ZMIZ1: variants seen among roughly 807,000 people sequenced by gnomAD.
ZMIZ1 encodes zinc finger MIZ domain-containing protein 1.
In ZMIZ1, 17 loss-of-function variants were observed where a neutral mutation model predicts 113.9. The observed-to-expected ratio is 0.15, with a 90% CI of 0.10 to 0.22. The LOEUF (loss-of-function observed/expected upper bound fraction) is 0.22. Ranked by LOEUF, ZMIZ1 falls within the 10% of genes least tolerant of loss-of-function variation. The pLI, the probability that ZMIZ1 is intolerant of heterozygous loss-of-function variation, is 1.00. For synonymous variants in ZMIZ1, 607 were observed against 603.1 expected, an observed-to-expected ratio of 1.01 and a Z score of -0.09; for missense variants, 1,059 against 1,477.8, an observed-to-expected ratio of 0.72 and a Z score of 4.65.
chr10:79,125,050 T>G (rs1844455009), intron 2 of ZMIZ1, among the ~76,000 whole-genome samples: 1 of 152,188 alleles, frequency 6.6e-6, no homozygotes, highest in Non-Finnish European at 1.5e-5. Flanking sequence ...AGAGCAAGGT[T>G]GGAGGCTTGT....
At chr10:79,195,940 C>A (rs115217167) in intron 4 of ZMIZ1, among the ~76,000 whole-genome samples, 1 of 152,306 alleles carries the variant, frequency 6.6e-6, no homozygotes, top group African/African-American at 2.4e-5. Context: ...TAGGGCCTGG[C>A]CTGGTGCCTG....
At chr10:79,190,869 A>G (rs1847571535) in intron 4 of ZMIZ1, among the ~76,000 whole-genome samples, 1 of 152,216 alleles carries the variant, frequency 6.6e-6, no homozygotes, top group South Asian at 2.1e-4. Flanking sequence ...GCACAAAGTC[A>G]GGAAACGGGA....
rs1431701890 is a variant in ZMIZ1, at chr10:79,069,223, T to G, written c.-384T>G. The G allele has an allele frequency of 6.7e-6, 1 of 149,124 alleles. No homozygotes were observed. Among genetic ancestry groups the G allele is most frequent in the Non-Finnish European group, 1.5e-5 (1 of 67,102 alleles). The allele number at this position is 149,124 out of a possible 1,614,324, so 9.2% of individuals were successfully genotyped here. A position where few individuals can be genotyped will look rare whatever the true frequency, so the allele number is the denominator to read the frequency against. ...GGCCCGAGCCTGCCCTACCCGGCGG[T>G]GGCGGCGGCGCGTCCTCCAGCGGCG... On this transcript the variant is annotated 5_prime_UTR_variant, in exon 1 of 25. Transcript: ENST00000334512. The surrounding 1 kb of genome is among the most constrained non-coding windows in gnomAD (Gnocchi z 4.6).
Position 79,296,727 on chromosome 10 carries a change from A to G in ZMIZ1, c.1413+74A>G. The G allele has an allele frequency of 7.0e-7, 1 of 1,425,372 alleles. No individual in the cohort carries two copies. The highest frequency in any genetic ancestry group is 9.4e-7 in the Non-Finnish European group (1 of 1,059,368). 88.3% of individuals were successfully genotyped at this position (1,425,372 alleles called of 1,614,324 possible). On this transcript the variant is annotated intron_variant, in intron 13 of 24. Coordinates refer to ENST00000334512, the MANE Select transcript of ZMIZ1 (RefSeq NM_020338.4). This position sits in a 1 kb window ranked among gnomAD's most constrained non-coding sequence, Gnocchi z 4.1. ...ACCTCACTCCCCTAACTCCACCGGGATCACTCTGACCCTGCGTGTGTTTGC... is the reference window on the plus strand; with the variant it reads ...ACCTCACTCCCCTAACTCCACCGGGGTCACTCTGACCCTGCGTGTGTTTGC...
chr10:79,269,367 C>T (rs1305519605), intron 7 of ZMIZ1, among the ~76,000 whole-genome samples: 1 of 151,928 alleles, frequency 6.6e-6, no homozygotes, highest in African/African-American at 2.4e-5. Flanking sequence ...GCCATTGCTT[C>T]GCAGGCCTCT....
intron 1 of ZMIZ1, among the ~76,000 whole-genome samples, chr10:79,077,169 G>T (rs930684492): frequency 2.6e-5 from 4 of 152,178 alleles, no homozygotes; most frequent in African/African-American, 9.7e-5. Flanking sequence ...GATGCCAGGT[G>T]CCTGGACCTT....
At chr10:79,184,958 T>C (rs1290158011) in intron 4 of ZMIZ1, among the ~76,000 whole-genome samples, 1 of 152,170 alleles carries the variant, frequency 6.6e-6, no homozygotes, top group Non-Finnish European at 1.5e-5. Context: ...CCCTGCAAAG[T>C]GATGAATCTA....
intron 3 of ZMIZ1, among the ~76,000 whole-genome samples, chr10:79,142,157 G>C (rs554600232): frequency 3.3e-5 from 5 of 152,160 alleles, no homozygotes; most frequent in Non-Finnish European, 7.3e-5. Context: ...GGAGGGCTGC[G>C]TGAAGCTGAG....
At position 79,305,261 on chromosome 10, in the gene ZMIZ1, C is replaced by T. The variant is rs753021531; in HGVS notation, c.2354+30C>T. The T allele has an allele frequency of 1.1e-5, 18 of 1,611,212 alleles. No individual in the cohort carries two copies. In the South Asian group the frequency reaches 1.5e-4, roughly 14 times the overall value. On this transcript the variant is annotated intron_variant, in intron 20 of 24. Transcript: ENST00000334512. ...GTGATGCCCACCCCGGTGGGGGCTT[C>T]CCCCATCCCCCAACCACAGACGGGA...
At chr10:79,203,760 G>A (rs16937032) in intron 5 of ZMIZ1, among the ~76,000 whole-genome samples, 18,431 of 152,178 alleles carry the variant, frequency 0.12, 1,404 homozygotes, top group East Asian at 0.32. Flanking sequence ...CCATTCCGTC[G>A]CTTACAAACT....
chr10:79,137,627 C>T (rs704000), intron 2 of ZMIZ1, among the ~76,000 whole-genome samples: 63,014 of 152,122 alleles, frequency 0.41, 15,040 homozygotes, highest in East Asian at 0.69. Flanking sequence ...AGGTTCCTGC[C>T]GGGTGCAGAC....
At chr10:79,154,929 C>G (rs1845849100) in intron 3 of ZMIZ1, among the ~76,000 whole-genome samples, 1 of 152,174 alleles carries the variant, frequency 6.6e-6, no homozygotes, top group Non-Finnish European at 1.5e-5. Flanking sequence ...TGACTTATGG[C>G]CCCTGTTTAC....
chr10:79,215,294 A>C (rs558708535), intron 6 of ZMIZ1, among the ~76,000 whole-genome samples: 1 of 149,502 alleles, frequency 6.7e-6, no homozygotes, highest in African/African-American at 2.5e-5. Flanking sequence ...GCTTGTTCTA[A>C]ATCACCGCTT....
chr10:79,096,479 T>C (rs1321434846), intron 1 of ZMIZ1, among the ~76,000 whole-genome samples: 6 of 151,920 alleles, frequency 3.9e-5, no homozygotes. Context: ...GCCACTGCAC[T>C]CCAGCCTGGG....
At chr10:79,114,266 A>G (rs1412671867) in intron 1 of ZMIZ1, among the ~76,000 whole-genome samples, 1 of 152,222 alleles carries the variant, frequency 6.6e-6, no homozygotes, top group Non-Finnish European at 1.5e-5. Flanking sequence ...TTTAATGGCT[A>G]TCAATAATTT....
intron 7 of ZMIZ1, among the ~76,000 whole-genome samples, chr10:79,251,117 G>A (rs1850530267): frequency 6.6e-6 from 1 of 152,110 alleles, no homozygotes; most frequent in African/African-American, 2.4e-5. Context: ...GTGGGGATGG[G>A]ATGGCCCTCC....
intron 7 of ZMIZ1, among the ~76,000 whole-genome samples, chr10:79,223,293 C>G (rs577954612): frequency 6.6e-6 from 1 of 152,242 alleles, no homozygotes; most frequent in Non-Finnish European, 1.5e-5. Context: ...TTACCAGCTG[C>G]CGGTGCCCCA....
At chr10:79,304,204 G>A (rs1854529343) in intron 19 of ZMIZ1, 29 bp downstream of exon 19, 1 of 1,602,848 alleles carries the variant, frequency 6.2e-7, no homozygotes, top group Non-Finnish European at 8.5e-7. Flanking sequence ...CACAGCTCTG[G>A]CAAGCCACCT....
intron 3 of ZMIZ1, among the ~76,000 whole-genome samples, chr10:79,146,571 G>A (rs964858723): frequency 6.6e-6 from 1 of 152,238 alleles, no homozygotes; most frequent in African/African-American, 2.4e-5. Flanking sequence ...CTCCTGTGTG[G>A]CCCCAACGTT....
Sources: gnomAD v4.1 joint callset for allele counts (sites outside exome capture counted in the v4.1 genomes callset) on GRCh38, gnomAD v4.1.1 for gene constraint, Gnocchi (gnomAD v3.1) non-coding constraint, MANE v1.5 for transcripts, NCBI Gene and HGNC (gene_info 2026-07-23, HGNC 2026-07-21) for gene names.